The following CFAP46 variants were observed in gnomAD, a reference collection of about 807,000 sequenced individuals.
CFAP46 encodes the protein cilia- and flagella-associated protein 46.
A neutral mutation model predicts 325.7 loss-of-function variants in CFAP46; 245 were observed. That is an observed-to-expected ratio of 0.75 (90% CI 0.68 to 0.84). CFAP46 has a LOEUF of 0.84. CFAP46 is among the 40% of genes least tolerant of loss of function. The pLI is 0.00. For missense variants in CFAP46, 3,346 were observed against 3,543.0 expected (o/e 0.94, Z 1.41); for synonymous variants, 1,523 against 1,495.9 (o/e 1.02, Z -0.42).
At chr10:132,853,357 T>G (rs1252423215) in intron 39 of CFAP46, among the ~76,000 whole-genome samples, 1 of 152,268 alleles carries the variant, frequency 6.6e-6, no homozygotes, top group African/African-American at 2.4e-5. Context: ...AATTAATTTT[T>G]GAATGTTAAA....
chr10:132,823,000 CTGA>C (rs1294770243), intron 50 of CFAP46, among the ~76,000 whole-genome samples: 18 of 117,932 alleles, frequency 1.5e-4, no homozygotes, highest in Admixed American at 5.4e-4. Flanking sequence ...TGTGTGTGTG[CTGA>C]TGTGTGCTGT....
rs774139698 is a variant in CFAP46 at position 132,866,071 on chromosome 10, T to G, written c.4844A>C (p.Tyr1615Ser). Residue 1615 changes from tyrosine to serine, a missense_variant, in exon 35 of 58, where the codon TAC (tyrosine) becomes TCC (serine). By Grantham distance (144) the Tyr-to-Ser change is moderately radical. Coordinates refer to ENST00000368586, the MANE Select transcript of CFAP46 (RefSeq NM_001200049.3). ...CGACAGGAGCAGCCGTGCAGGCTGG[T>G]ACAGGTTCATCTCCAGCAGAACTTC... ...KAEVLLEMNL[Y>S]QPARLLLSEA... 1.3e-6 allele frequency: 2 copies of G among 1,545,874 alleles called. No homozygotes were observed. Among genetic ancestry groups the G allele is most frequent in the Non-Finnish European group, 8.7e-7 (1 of 1,144,684 alleles).
chr10:132,818,870 GA>G (rs1195269092), intron 50 of CFAP46, among the ~76,000 whole-genome samples: 1 of 145,770 alleles, frequency 6.9e-6, no homozygotes, highest in Non-Finnish European at 1.5e-5. Context: ...AAAAAAAAAA[GA>G]AAAAAAAGAA....
rs1164544007 is a variant in CFAP46, at chr10:132,876,179, A to G, written c.4362+633T>C. Among the ~76,000 whole-genome samples, 2 of 152,216 alleles carry G rather than the reference A, an allele frequency of 1.3e-5. No individual in the cohort carries two copies. Among genetic ancestry groups the G allele is most frequent in the Non-Finnish European group, 2.9e-5 (2 of 68,030 alleles). ...CCCTGCCCACCCACCGGCTGCTGAT[A>G]TTGAGGGGAGTGGCATCAGCAGGGA... On this transcript the variant is annotated intron_variant, in intron 31 of 57. Transcript: ENST00000368586. The surrounding 1 kb of genome is among the most constrained non-coding windows in gnomAD (Gnocchi z 4.1).
Position 132,814,709 on chromosome 10 carries a change from A to G in CFAP46, c.7226T>C (p.Ile2409Thr), listed in dbSNP as rs760859032. Residue 2409 changes from isoleucine (I) to threonine (T), a missense_variant, in exon 52 of 58, where the codon ATA becomes ACA. By Grantham distance (89) the Ile-to-Thr change is moderately conservative (BLOSUM62 -1). Coordinates refer to ENST00000368586, the MANE Select transcript of CFAP46 (RefSeq NM_001200049.3). ...ACACTTGAAGTTGTCTGAGTCGACT[A>G]TGATGCAGTCAGGGGGGATGGTCCG... The part of the protein sequence containing the change: ...IPRTIPPDCI[I>T]VDSDNFKFVV... 1.9e-6 allele frequency: 3 copies of G among 1,611,740 alleles called. No homozygotes were observed. Among genetic ancestry groups the G allele is most frequent in the Admixed American group, 1.7e-5 (1 of 59,414 alleles).
At position 132,817,078 on chromosome 10, in the gene CFAP46, C is replaced by G. The variant is rs900597798; in HGVS notation, c.7118-2164G>C. Among the ~76,000 whole-genome samples the G allele has an allele frequency of 6.6e-6, 1 of 152,168 alleles. No individual in the cohort carries two copies. Among genetic ancestry groups the G allele is most frequent in the Non-Finnish European group, 1.5e-5 (1 of 68,046 alleles). ...CTCTCTTTTTGCTCTTTGTCTGGAC[C>G]GTCAGTAATCCAGGCGTGGTAAAAT... On this transcript the variant is annotated intron_variant, in intron 50 of 57. Coordinates refer to ENST00000368586, the MANE Select transcript of CFAP46 (RefSeq NM_001200049.3). The surrounding 1 kb of genome is among the most constrained non-coding windows in gnomAD (Gnocchi z 4.4).
At position 132,891,551 on chromosome 10, in the gene CFAP46, A is replaced by T. The variant is rs552830828; in HGVS notation, c.3304+782T>A. Among the ~76,000 whole-genome samples the T allele has an allele frequency of 2.6e-5, 4 of 152,362 alleles. No homozygotes were observed. In the East Asian group the frequency reaches 7.7e-4, roughly 29 times the overall value. On this transcript the variant is annotated intron_variant, in intron 25 of 57. Coordinates refer to ENST00000368586, the MANE Select transcript of CFAP46 (RefSeq NM_001200049.3). The stretch of plus-strand genomic sequence containing the variant: ...TCATACCCAAGTATCTTTCTCTGAC[A>T]TATTTTGAAGGGGCCCGCACAGCTG...
intron 11 of CFAP46, among the ~76,000 whole-genome samples, chr10:132,923,589 G>A (rs866113990): frequency 6.6e-6 from 1 of 152,068 alleles, no homozygotes; most frequent in African/African-American, 2.4e-5. Context: ...AGCCCTTGTG[G>A]GGGTGCCCCG....
intron 22 of CFAP46, among the ~76,000 whole-genome samples, chr10:132,903,127 C>T (rs1849412909): frequency 6.6e-6 from 1 of 150,884 alleles, no homozygotes; most frequent in Non-Finnish European, 1.5e-5. Flanking sequence ...GCTCCAACTT[C>T]TCTCACCCCA....
At position 132,846,179 on chromosome 10, in the gene CFAP46, C is replaced by T; in HGVS notation, c.6316G>A (p.Ala2106Thr). Residue 2106 changes from alanine (A) to threonine (T), a missense_variant, in exon 44 of 58, where the codon GCC (alanine) becomes ACC (threonine). Transcript: ENST00000368586. Reference protein sequence around the residue: ...TMRDVLLAATANTSSSQLAAL... With the variant: ...TMRDVLLAATTNTSSSQLAAL... ...GCCAGCTGTGAGCTGCTGGTGTTGG[C>T]TGTGGCTGCAAGCAGGACATCCCTC... The T allele has an allele frequency of 6.2e-7, 1 of 1,611,916 alleles. No individual in the cohort carries two copies. The highest frequency in any genetic ancestry group is 8.5e-7 in the Non-Finnish European group (1 of 1,179,586).
intron 17 of CFAP46, among the ~76,000 whole-genome samples, chr10:132,914,000 G>A (rs545090462): frequency 2.0e-5 from 3 of 152,242 alleles, no homozygotes; most frequent in South Asian, 2.1e-4. Flanking sequence ...TGGGACCCCC[G>A]CTCACCCCTG....
intron 27 of CFAP46, among the ~76,000 whole-genome samples, chr10:132,882,602 T>TG (rs1433097853): frequency 4.7e-5 from 7 of 150,430 alleles, no homozygotes; most frequent in Admixed American, 1.3e-4. Flanking sequence ...GTCTAGCGGG[T>TG]GGGGGGTCTG....
intron 50 of CFAP46, among the ~76,000 whole-genome samples, chr10:132,821,286 ATGTGTGCTG>A (rs1302391964): frequency 2.4e-4 from 22 of 92,402 alleles, no homozygotes; most frequent in African/African-American, 4.2e-4. Context: ...GTGAGTGCTG[ATGTGTGCTG>A]TGTGTGCTGT....
Position 132,827,429 on chromosome 10 carries a change from A to G in CFAP46, c.7117+5929T>C, listed in dbSNP as rs922037608. ...CTTGGACCTCCTCCTTCAAGGATCCACTTCGCACATGTGCCCTTCTGCAAA... is the reference window on the plus strand; with the variant it reads ...CTTGGACCTCCTCCTTCAAGGATCCGCTTCGCACATGTGCCCTTCTGCAAA... On this transcript the variant is annotated intron_variant, in intron 50 of 57. Transcript: ENST00000368586. This position sits in a 1 kb window ranked among gnomAD's most constrained non-coding sequence, Gnocchi z 5.7. 2.0e-5 allele frequency among the ~76,000 whole-genome samples: 3 copies of G among 152,066 alleles called. No individual in the cohort carries two copies. The highest frequency in any genetic ancestry group is 4.4e-5 in the Non-Finnish European group (3 of 67,996).
In CFAP46 at chr10:132,942,547, C is replaced by T. The variant is rs558193420; in HGVS notation, c.-63G>A. 6 of 1,225,148 alleles carry T rather than the reference C, an allele frequency of 4.9e-6. No homozygotes were observed. The South Asian group carries it at 2.2e-4, about 46-fold the overall frequency. 75.9% of individuals were successfully genotyped at this position (1,225,148 alleles called of 1,614,324 possible). A position where few individuals can be genotyped will look rare whatever the true frequency, so the allele number is the denominator to read the frequency against. ...CGCGGTGCGTCCTGCCGCCCACTGTCGGTTGGGTTCTCCAGCCGCGAGGAC... is the reference window on the plus strand; with the variant it reads ...CGCGGTGCGTCCTGCCGCCCACTGTTGGTTGGGTTCTCCAGCCGCGAGGAC... On this transcript the variant is annotated 5_prime_UTR_variant, in exon 1 of 58. Coordinates refer to ENST00000368586, the MANE Select transcript of CFAP46 (RefSeq NM_001200049.3).
In CFAP46 at chr10:132,867,294, C is replaced by T. The variant is rs576098580; in HGVS notation, c.4743+81G>A. The T allele has an allele frequency of 3.5e-3, 5,239 of 1,495,116 alleles. 14 individuals carry two copies. Among genetic ancestry groups the T allele is most frequent in the Non-Finnish European group, 4.3e-3 (4,866 of 1,121,306 alleles). 92.6% of individuals were successfully genotyped at this position (1,495,116 alleles called of 1,614,324 possible). ...ACACACACACAGGCCGGCCGCCTGGCTCAGCTGCAGCCCTGCATGGCCACG... is the reference window on the plus strand; with the variant it reads ...ACACACACACAGGCCGGCCGCCTGGTTCAGCTGCAGCCCTGCATGGCCACG... On this transcript the variant is annotated intron_variant, in intron 34 of 57. Coordinates refer to ENST00000368586, the MANE Select transcript of CFAP46 (RefSeq NM_001200049.3).
At chr10:132,924,317 C>T (rs777732920) in intron 11 of CFAP46, among the ~76,000 whole-genome samples, 21 of 152,144 alleles carry the variant, frequency 1.4e-4, no homozygotes, top group Non-Finnish European at 2.4e-4. Flanking sequence ...CCTGAGGACA[C>T]ACCGTGCTCC....
chr10:132,823,003 ATG>A (rs1847912907), intron 50 of CFAP46, among the ~76,000 whole-genome samples: 1 of 85,060 alleles, frequency 1.2e-5, no homozygotes. Context: ...GTGTGTGCTG[ATG>A]TGTGCTGTGT....
chr10:132,909,345 A>C lies in CFAP46; in HGVS notation c.2650-101T>G, dbSNP rs528649770. On this transcript the variant is annotated intron_variant, in intron 20 of 57. Transcript: ENST00000368586. ...GCAAGGTATTAGTTTTATGGCAATA[A>C]TCAGACCACAAAATTGGGAGCGTTT... The C allele has an allele frequency of 2.0e-4, 161 of 817,952 alleles. 1 individual carries two copies. The Middle Eastern group carries it at 5.6e-3, about 28-fold the overall frequency. 50.7% of individuals were successfully genotyped at this position (817,952 alleles called of 1,614,324 possible).
Sources: gnomAD v4.1 joint callset for allele counts (sites outside exome capture counted in the v4.1 genomes callset) on GRCh38, gnomAD v4.1.1 for gene constraint, Gnocchi (gnomAD v3.1) non-coding constraint, MANE v1.5 for transcripts, NCBI Gene and HGNC (gene_info 2026-07-23, HGNC 2026-07-21) for gene names.